WWOX: variants seen among roughly 807,000 people sequenced by gnomAD.
WWOX encodes WW domain-containing oxidoreductase.
In WWOX, 69 loss-of-function variants were observed where a neutral mutation model predicts 46.2. The observed-to-expected ratio is 1.49, with a 90% CI of 1.23 to 1.82. WWOX has a LOEUF of 1.82. WWOX is among the 40% of genes most tolerant of loss of function. WWOX has a pLI of 0.00. For synonymous variants in WWOX, 359 were observed against 202.6 expected (o/e 1.77, Z -6.56); for missense variants, 919 against 542.6 (o/e 1.69, Z -6.89).
intron 2 of WWOX, among the ~76,000 whole-genome samples, chr16:78,109,001 A>G (rs77200969): frequency 0.014 from 2,086 of 152,202 alleles, 53 homozygotes; most frequent in African/African-American, 0.048. Flanking sequence ...AATAGCGACA[A>G]CAACAACAAC....
chr16:78,600,469 C>A (rs2045595320), intron 8 of WWOX, among the ~76,000 whole-genome samples: 1 of 152,210 alleles, frequency 6.6e-6, no homozygotes, highest in Non-Finnish European at 1.5e-5. Context: ...TTTAAGTATT[C>A]TTTTCTTTCC....
chr16:78,304,336 G>T (rs894081209), intron 5 of WWOX, among the ~76,000 whole-genome samples: 1 of 152,138 alleles, frequency 6.6e-6, no homozygotes, highest in African/African-American at 2.4e-5. Context: ...CATTGACATT[G>T]TTCAACATTC....
At chr16:79,155,366 C>G (rs1412681124) in intron 8 of WWOX, among the ~76,000 whole-genome samples, 3 of 151,860 alleles carry the variant, frequency 2.0e-5, no homozygotes, top group South Asian at 2.1e-4. Flanking sequence ...CAGAGGGAGA[C>G]TCTGTTTCAA....
chr16:78,632,938 C>A (rs142078268), intron 8 of WWOX, among the ~76,000 whole-genome samples: 1 of 151,902 alleles, frequency 6.6e-6, no homozygotes, highest in African/African-American at 2.4e-5. Flanking sequence ...GGAGAGGGAT[C>A]CAACATTTAT....
intron 8 of WWOX, among the ~76,000 whole-genome samples, chr16:78,576,540 A>G (rs1170866523): frequency 6.6e-6 from 1 of 152,208 alleles, no homozygotes; most frequent in Admixed American, 6.5e-5. Flanking sequence ...GTGACCACAT[A>G]AAAATGCTGC....
chr16:78,927,976 T>TTGTG (rs1555570375), intron 8 of WWOX, among the ~76,000 whole-genome samples: 1 of 151,704 alleles, frequency 6.6e-6, no homozygotes, highest in Admixed American at 6.6e-5. Flanking sequence ...CTCAGGGTTT[T>TTGTG]TGTGTGTGTG....
intron 8 of WWOX, among the ~76,000 whole-genome samples, chr16:78,620,636 A>C (rs555014974): frequency 6.6e-6 from 1 of 152,246 alleles, no homozygotes; most frequent in African/African-American, 2.4e-5. Context: ...TTGTCAGTGT[A>C]CTTCCTGCTT....
At chr16:78,718,695 GA>G (rs1307405672) in intron 8 of WWOX, among the ~76,000 whole-genome samples, 1 of 152,052 alleles carries the variant, frequency 6.6e-6, no homozygotes, top group African/African-American at 2.4e-5. Flanking sequence ...CCAACATAGT[GA>G]GACACTACCT....
chr16:79,129,454 G>C (rs2049830582), intron 8 of WWOX, among the ~76,000 whole-genome samples: 3 of 149,816 alleles, frequency 2.0e-5, no homozygotes, highest in Non-Finnish European at 3.0e-5. Context: ...TGTGTAAAAA[G>C]TTTATTAATA....
intron 8 of WWOX, among the ~76,000 whole-genome samples, chr16:79,036,167 T>G (rs1435921986): frequency 1.3e-5 from 2 of 152,208 alleles, no homozygotes; most frequent in Non-Finnish European, 2.9e-5. Flanking sequence ...GAGATTTCCT[T>G]GGGTCAGGTT....
chr16:79,096,848 G>A (rs192296763), intron 8 of WWOX, among the ~76,000 whole-genome samples: 1 of 152,076 alleles, frequency 6.6e-6, no homozygotes, highest in African/African-American at 2.4e-5. Context: ...AGAAGAAGGA[G>A]CTTGAAGCCG....
chr16:79,187,001 A>T (rs1039526114), intron 8 of WWOX, among the ~76,000 whole-genome samples: 6 of 152,210 alleles, frequency 3.9e-5, no homozygotes, highest in African/African-American at 1.4e-4. Flanking sequence ...GAAGTGCTTG[A>T]GAAAATATAA....
chr16:78,515,841 A>G (rs1028575029), intron 8 of WWOX, among the ~76,000 whole-genome samples: 4 of 152,248 alleles, frequency 2.6e-5, no homozygotes, highest in Admixed American at 2.0e-4. Context: ...AAGCAATAAC[A>G]TTCTCCAATC....
intron 8 of WWOX, among the ~76,000 whole-genome samples, chr16:78,494,398 A>G (rs1197672041): frequency 6.6e-6 from 1 of 152,216 alleles, no homozygotes; most frequent in Non-Finnish European, 1.5e-5. Context: ...GTTGGCAACC[A>G]GAGGCTTAGA....
chr16:79,132,631 T>G (rs1276788103), intron 8 of WWOX, among the ~76,000 whole-genome samples: 1 of 152,210 alleles, frequency 6.6e-6, no homozygotes, highest in Non-Finnish European at 1.5e-5. Context: ...GCTTTTCTTT[T>G]TTTAAAACAA....
chr16:78,923,258 G>A (rs2045421408), intron 8 of WWOX, among the ~76,000 whole-genome samples: 1 of 152,132 alleles, frequency 6.6e-6, no homozygotes, highest in African/African-American at 2.4e-5. Context: ...TGGGATTACA[G>A]GCTTGAGCCA....
chr16:78,933,470 T>C (rs1232505057), intron 8 of WWOX, among the ~76,000 whole-genome samples: 1 of 152,142 alleles, frequency 6.6e-6, no homozygotes, highest in African/African-American at 2.4e-5. Context: ...AGTCAAGATG[T>C]TGACATAACA....
intron 8 of WWOX, chr16:79,101,298 C>G (rs1299829243): frequency 6.6e-6 from 1 of 152,176 alleles, no homozygotes; most frequent in African/African-American, 2.4e-5. Context: ...TTTACCCATC[C>G]TTCTTAATCC....
At chr16:79,079,504 C>A (rs1705691385) in intron 8 of WWOX, among the ~76,000 whole-genome samples, 1 of 152,212 alleles carries the variant, frequency 6.6e-6, no homozygotes, top group Non-Finnish European at 1.5e-5. Context: ...CCCCAACCCC[C>A]TGTTACATTC....
Sources: gnomAD v4.1 joint callset for allele counts (sites outside exome capture counted in the v4.1 genomes callset) on GRCh38, gnomAD v4.1.1 for gene constraint, MANE v1.5 for transcripts, NCBI Gene and HGNC (gene_info 2026-07-23, HGNC 2026-07-21) for gene names.